Variants in BMPER observed in about 807,000 individuals in gnomAD.
BMPER encodes the protein BMP binding endothelial regulator.
BMPER carries 45 observed loss-of-function variants against 87.3 expected under a neutral mutation model. That is an observed-to-expected ratio of 0.52 (90% CI 0.41 to 0.66). BMPER has a LOEUF of 0.66. Ranked by LOEUF, BMPER falls within the 30% of genes least tolerant of loss-of-function variation. The probability of loss-of-function intolerance (pLI) is 0.00; values close to 1 mark genes in which losing one functional copy is unlikely to be tolerated. For synonymous variants in BMPER, 326 were observed against 316.2 expected, an observed-to-expected ratio of 1.03 and a Z score of -0.33; for missense variants, 784 against 867.5, an observed-to-expected ratio of 0.90 and a Z score of 1.21.
Position 34,153,895 on chromosome 7 carries a change from A to G in BMPER, c.*622A>G, listed in dbSNP as rs957162193. Reference sequence around the variant, plus strand: ...ATTGATTGGCTGGTTGCCAAGAAATATATATTTGTCACTAGGGCATAACCG... The same window carrying G: ...ATTGATTGGCTGGTTGCCAAGAAATGTATATTTGTCACTAGGGCATAACCG... On this transcript the variant is annotated 3_prime_UTR_variant, in exon 15 of 15. Coordinates refer to ENST00000649409, the MANE Select transcript of BMPER (RefSeq NM_001365308.1). The G allele has an allele frequency of 1.3e-4, 20 of 156,158 alleles. No individual in the cohort carries two copies. The highest frequency in any genetic ancestry group is 1.6e-4 in the Non-Finnish European group (11 of 70,172). The allele number at this position is 156,158 out of a possible 1,614,324, so 9.7% of individuals were successfully genotyped here.
chr7:34,025,984 C>T (rs974174379), intron 6 of BMPER, among the ~76,000 whole-genome samples: 4 of 152,108 alleles, frequency 2.6e-5, no homozygotes, highest in Non-Finnish European at 5.9e-5. Context: ...TACCTGTGGT[C>T]AGGAGCTGTC....
intron 11 of BMPER, among the ~76,000 whole-genome samples, chr7:34,072,732 G>T (rs1383027502): frequency 6.6e-6 from 1 of 152,126 alleles, no homozygotes; most frequent in Non-Finnish European, 1.5e-5. Context: ...GACATGTTTG[G>T]GGGTCCATTA....
At chr7:34,087,024 T>C (rs1409203556) in intron 13 of BMPER, among the ~76,000 whole-genome samples, 1 of 152,212 alleles carries the variant, frequency 6.6e-6, no homozygotes, top group Non-Finnish European at 1.5e-5. Context: ...ACTCTTTAAT[T>C]ACCACCAGTT....
In BMPER at chr7:34,085,995, G is replaced by A. The variant is rs746178234; in HGVS notation, c.1648G>A (p.Val550Ile). Residue 550 changes from valine (V) to isoleucine (I), a missense_variant, in exon 13 of 15, where the codon GTC becomes ATC. Transcript: ENST00000649409. ...KPVPELCQGT[V>I]KVKLRAHREC... ...AGTGCCTGAACTGTGTCAAGGGACA[G>A]TCAAGGTAAAGCTCCGGGCCCATCG... is the stretch of plus-strand genomic sequence containing the variant. 6 of 1,614,184 alleles carry A rather than the reference G, an allele frequency of 3.7e-6. No homozygotes were observed. The Admixed American group carries it at 1.0e-4, about 27-fold the overall frequency.
chr7:34,008,666 T>A (rs976291857), intron 6 of BMPER, among the ~76,000 whole-genome samples: 1 of 151,954 alleles, frequency 6.6e-6, no homozygotes, highest in Non-Finnish European at 1.5e-5. Context: ...GGCTAGCCCC[T>A]CAAGAATGAC....
intron 14 of BMPER, among the ~76,000 whole-genome samples, chr7:34,144,983 G>A (rs887217708): frequency 1.1e-4 from 16 of 152,212 alleles, no homozygotes; most frequent in Admixed American, 1.0e-3. Context: ...TGTGATTGCA[G>A]TGTACAGACA....
chr7:34,141,388 T>G (rs1352005068), intron 13 of BMPER, among the ~76,000 whole-genome samples: 2 of 151,842 alleles, frequency 1.3e-5, no homozygotes, highest in African/African-American at 4.8e-5. Flanking sequence ...GGTGGGTGGA[T>G]CATCTGAGGT....
At position 34,143,324 on chromosome 7, in the gene BMPER, A is replaced by G; in HGVS notation, c.1840A>G (p.Ile614Val). The G allele has an allele frequency of 6.2e-7, 1 of 1,614,068 alleles. No individual in the cohort carries two copies. Among genetic ancestry groups the G allele is most frequent in the Non-Finnish European group, 8.5e-7 (1 of 1,179,956 alleles). Residue 614 changes from isoleucine (I) to valine (V), a missense_variant, in exon 14 of 15, where the codon ATC (isoleucine) becomes GTC (valine). Coordinates refer to ENST00000649409, the MANE Select transcript of BMPER (RefSeq NM_001365308.1). The part of the protein sequence containing the change: ...AYTRACQREG[I>V]KVHWEPQQNC... ...TACCCGGGCCTGCCAGAGAGAGGGC[A>G]TCAAAGTCCACTGGGAGCCTCAGCA...
At chr7:33,979,706 G>A (rs537880271) in intron 6 of BMPER, among the ~76,000 whole-genome samples, 5 of 152,330 alleles carry the variant, frequency 3.3e-5, no homozygotes, top group African/African-American at 1.2e-4. Flanking sequence ...TTGTGTGGGT[G>A]TGTGAAGCAT....
chr7:34,113,189 G>T (rs1790025312), intron 13 of BMPER, among the ~76,000 whole-genome samples: 1 of 151,818 alleles, frequency 6.6e-6, no homozygotes, highest in South Asian at 2.1e-4. Flanking sequence ...CATTTCTAAT[G>T]ATATTCATCT....
rs959163804 is a variant in BMPER, at chr7:33,931,699, A to T, written c.220-5590A>T. On this transcript the variant is annotated intron_variant, in intron 2 of 14. Coordinates refer to ENST00000649409, the MANE Select transcript of BMPER (RefSeq NM_001365308.1). ...ATGAGAATATACACGCTGATGTGGG[A>T]TCAGCTTCCCCTGCTTCCTCCTCCT... Among the ~76,000 whole-genome samples, 5 of 152,200 alleles carry T rather than the reference A, an allele frequency of 3.3e-5. 1 individual carries two copies. Among genetic ancestry groups the T allele is most frequent in the African/African-American group, 1.2e-4 (5 of 41,444 alleles).
chr7:34,112,134 A>G (rs1213508939), intron 13 of BMPER, among the ~76,000 whole-genome samples: 2 of 152,182 alleles, frequency 1.3e-5, no homozygotes, highest in Non-Finnish European at 2.9e-5. Flanking sequence ...GCAAGTTAAA[A>G]TTCAAACTTA....
chr7:34,042,047 G>A (rs1787846409), intron 6 of BMPER, among the ~76,000 whole-genome samples: 2 of 152,068 alleles, frequency 1.3e-5, no homozygotes, highest in African/African-American at 2.4e-5. Context: ...TTGTTTTATC[G>A]TCTTGAACCC....
chr7:34,153,282 T>C lies in BMPER; in HGVS notation c.*9T>C. On this transcript the variant is annotated 3_prime_UTR_variant, in exon 15 of 15. Coordinates refer to ENST00000649409, the MANE Select transcript of BMPER (RefSeq NM_001365308.1). Reference sequence around the variant, plus strand: ...TTTGTCCCCAGCGGTGACCTTTGTTTCGATCCTTAAGACTCTGAAATCTGG... The same window carrying C: ...TTTGTCCCCAGCGGTGACCTTTGTTCCGATCCTTAAGACTCTGAAATCTGG... The C allele has an allele frequency of 6.2e-7, 1 of 1,613,842 alleles. No individual in the cohort carries two copies. Among genetic ancestry groups the C allele is most frequent in the Non-Finnish European group, 8.5e-7 (1 of 1,179,910 alleles).
At chr7:34,074,842 A>G (rs1251291111) in intron 11 of BMPER, among the ~76,000 whole-genome samples, 1 of 152,252 alleles carries the variant, frequency 6.6e-6, no homozygotes, top group Non-Finnish European at 1.5e-5. Context: ...TTTCATGTAC[A>G]GAATTATCGT....
At chr7:34,060,131 A>C (rs1278274069) in intron 10 of BMPER, among the ~76,000 whole-genome samples, 2 of 152,094 alleles carry the variant, frequency 1.3e-5, no homozygotes, top group Non-Finnish European at 2.9e-5. Flanking sequence ...CTTACGGCTA[A>C]TTGCATATTA....
intron 12 of BMPER, among the ~76,000 whole-genome samples, chr7:34,082,807 C>A (rs1428731204): frequency 6.6e-6 from 1 of 152,208 alleles, no homozygotes; most frequent in East Asian, 1.9e-4. Flanking sequence ...TGTACATTCT[C>A]AACCATTTGT....
chr7:34,127,944 A>T (rs1790447394), intron 13 of BMPER, among the ~76,000 whole-genome samples: 1 of 152,048 alleles, frequency 6.6e-6, no homozygotes, highest in South Asian at 2.1e-4. Context: ...TGCTTTCCTG[A>T]TGCGTATTTT....
At chr7:34,111,648 C>T (rs1159383183) in intron 13 of BMPER, among the ~76,000 whole-genome samples, 1 of 152,152 alleles carries the variant, frequency 6.6e-6, no homozygotes, top group Non-Finnish European at 1.5e-5. Context: ...AAAAAGAAAA[C>T]AATTTAAGGC....
Sources: gnomAD v4.1 joint callset for allele counts (sites outside exome capture counted in the v4.1 genomes callset) on GRCh38, gnomAD v4.1.1 for gene constraint, MANE v1.5 for transcripts, NCBI Gene and HGNC (gene_info 2026-07-23, HGNC 2026-07-21) for gene names.